Variants in IGFBP6 observed in about 807,000 individuals in gnomAD.
The protein encoded by IGFBP6 is insulin-like growth factor-binding protein 6.
Under a neutral mutation model 24.5 loss-of-function variants are expected in IGFBP6, and 24 were observed. That is an observed-to-expected ratio of 0.98 (90% confidence interval 0.71 to 1.38). The LOEUF (loss-of-function observed/expected upper bound fraction) is 1.38. IGFBP6 is among the 40% of genes most tolerant of loss of function. IGFBP6 has a pLI of 0.00. For missense variants in IGFBP6, 331 were observed against 324.8 expected (o/e 1.02, Z -0.15); for synonymous variants, 147 against 137.4 (o/e 1.07, Z -0.49).
intron 2 of IGFBP6, 73 bp downstream of exon 2, chr12:53,100,930 G>A (rs906519414): frequency 6.2e-7 from 1 of 1,606,518 alleles, no homozygotes; most frequent in African/African-American, 1.3e-5. Context: ...TGCTCCCTTG[G>A]GCTTGGAGAC....
At chr12:53,099,395 T>C (rs1320952674) in intron 1 of IGFBP6, 2 of 447,848 alleles carry the variant, frequency 4.5e-6, no homozygotes, top group Admixed American at 2.4e-5. Context: ...GTTGAATCCA[T>C]GTGCTCCTGG....
At chr12:53,098,109 G>A in intron 1 of IGFBP6, 58 bp downstream of exon 1, 1 of 1,377,014 alleles carries the variant, frequency 7.3e-7, no homozygotes, top group Non-Finnish European at 9.3e-7. Flanking sequence ...TCCAGGCAGG[G>A]TCCTGGGGAG....
intron 1 of IGFBP6, among the ~76,000 whole-genome samples, chr12:53,098,679 C>G (rs945902494): frequency 3.9e-5 from 6 of 152,028 alleles, no homozygotes; most frequent in African/African-American, 1.5e-4. Flanking sequence ...GGGAATCTGC[C>G]AAATCAGGGT....
intron 1 of IGFBP6, 140 bp downstream of exon 1, chr12:53,098,191 T>C: frequency 9.5e-7 from 1 of 1,055,186 alleles, no homozygotes; most frequent in Non-Finnish European, 1.3e-6. Context: ...GGCACATTTG[T>C]GTGGGGGAGA....
intron 1 of IGFBP6, chr12:53,099,386 T>C (rs1937791050): frequency 2.2e-6 from 1 of 450,538 alleles, no homozygotes; most frequent in Non-Finnish European, 4.5e-6. Context: ...TGGTTAAGGG[T>C]TGAATCCATG....
intron 1 of IGFBP6, 49 bp downstream of exon 1, chr12:53,098,100 C>T: frequency 2.2e-6 from 3 of 1,391,264 alleles, no homozygotes; most frequent in Non-Finnish European, 2.8e-6. Flanking sequence ...CCCGCGTCCT[C>T]CAGGCAGGGT....
Position 53,102,319 on chromosome 12 carries a change from C to G in IGFBP6, c.*152C>G. ...AGAGTGTTGGTGTTGGCTGGGGTGT[C>G]AATAAAGCTGTGCTTGGGGTCGCTG... On this transcript the variant is annotated 3_prime_UTR_variant, in exon 4 of 4. Transcript: ENST00000301464. 1.2e-6 allele frequency: 1 copy of G among 817,256 alleles called. No individual in the cohort carries two copies. The highest frequency in any genetic ancestry group is 2.8e-5 in the East Asian group (1 of 35,972). 50.6% of individuals were successfully genotyped at this position (817,256 alleles called of 1,614,324 possible).
At chr12:53,102,015 C>T (rs764325333) in intron 3 of IGFBP6, 30 bp from the exon 4 acceptor site, 2 of 1,600,080 alleles carry the variant, frequency 1.2e-6, no homozygotes, top group East Asian at 4.5e-5. Context: ...CCTCTGGCCT[C>T]ACTCCTGACC....
intron 1 of IGFBP6, among the ~76,000 whole-genome samples, chr12:53,100,326 A>C (rs529615173): frequency 6.6e-6 from 1 of 151,724 alleles, no homozygotes; most frequent in African/African-American, 2.4e-5. Context: ...CACCTCGGTA[A>C]TTTTATAAAT....
Position 53,097,688 on chromosome 12 carries a change from G to A in IGFBP6, c.-30G>A. 1 of 1,536,540 alleles carries A rather than the reference G, an allele frequency of 6.5e-7. No homozygotes were observed. The highest frequency in any genetic ancestry group is 1.2e-5 in the South Asian group (1 of 83,756). On this transcript the variant is annotated 5_prime_UTR_variant, in exon 1 of 4. Coordinates refer to ENST00000301464, the MANE Select transcript of IGFBP6 (RefSeq NM_002178.3). ...CAGCAGCTGCGCTGCGACTGCTCTG[G>A]AAGGAGAGGACGGGGCACAAACCCT...
At chr12:53,101,268 G>C in intron 3 of IGFBP6, 108 bp downstream of exon 3, 2 of 1,119,494 alleles carry the variant, frequency 1.8e-6, no homozygotes, top group Middle Eastern at 2.0e-4. Flanking sequence ...CCATCTTTAA[G>C]GATCTTCCAA....
rs773401386 is a variant in IGFBP6 at position 53,097,798 on chromosome 12, G to C, written c.81G>C (p.Ala27=). 3.0e-5 allele frequency: 47 copies of C among 1,543,474 alleles called. No homozygotes were observed. Among genetic ancestry groups the C allele is most frequent in the Non-Finnish European group, 3.8e-5 (44 of 1,145,994 alleles). ...LLAASPGGAL[A]RCPGCGQGVQ... is the part of the protein sequence containing the mutation. ...CTGCCAGCCCAGGAGGCGCCTTGGCGCGGTGCCCAGGCTGCGGGCAAGGGG... is the reference window on the plus strand; with the variant it reads ...CTGCCAGCCCAGGAGGCGCCTTGGCCCGGTGCCCAGGCTGCGGGCAAGGGG... Residue 27 remains alanine, a synonymous_variant, in exon 1 of 4, where the codon GCG becomes GCC. Coordinates refer to ENST00000301464, the MANE Select transcript of IGFBP6 (RefSeq NM_002178.3).
chr12:53,099,453 A>G lies in IGFBP6; in HGVS notation c.335-1259A>G, dbSNP rs9658608. ...TGGGTCACAGGGTACCAGAAGGGAG[A>G]GGTTCCCACTGCAGTGCCCCAGAAG... On this transcript the variant is annotated intron_variant, in intron 1 of 3. Coordinates refer to ENST00000301464, the MANE Select transcript of IGFBP6 (RefSeq NM_002178.3). 273 of 382,766 alleles carry G rather than the reference A, an allele frequency of 7.1e-4. 4 individuals carry two copies. Among genetic ancestry groups the G allele is most frequent in the South Asian group, 4.8e-3 (268 of 55,288 alleles). 23.7% of individuals were successfully genotyped at this position (382,766 alleles called of 1,614,324 possible).
chr12:53,099,153 A>C (rs1937786361), intron 1 of IGFBP6: 1 of 317,804 alleles, frequency 3.1e-6, no homozygotes, highest in Non-Finnish European at 6.8e-6. Flanking sequence ...GAGGAAGAGG[A>C]TCCCTTCAGG....
intron 3 of IGFBP6, among the ~76,000 whole-genome samples, chr12:53,101,653 A>G (rs1424333106): frequency 6.6e-6 from 1 of 152,148 alleles, no homozygotes; most frequent in Non-Finnish European, 1.5e-5. Context: ...TAATCCCAGC[A>G]CTTTGGGAGG....
At chr12:53,100,968 C>A (rs1346378089) in intron 2 of IGFBP6, 73 bp from the exon 3 acceptor site, 1 of 1,604,062 alleles carries the variant, frequency 6.2e-7, no homozygotes, top group Middle Eastern at 1.7e-4. Context: ...TGGGTGCTTG[C>A]CTGGTGGGCC....
At chr12:53,099,347 C>T (rs1038907622) in intron 1 of IGFBP6, 1 of 455,712 alleles carries the variant, frequency 2.2e-6, no homozygotes, top group African/African-American at 2.0e-5. Context: ...TCATTCCTTG[C>T]ACCTTCTTAA....
chr12:53,100,896 G>T (rs759229268), intron 2 of IGFBP6, 39 bp downstream of exon 2: 1 of 1,612,632 alleles, frequency 6.2e-7, no homozygotes, highest in Non-Finnish European at 8.5e-7. Flanking sequence ...GGGGTGGGAA[G>T]CCCTGGAGAC....
At chr12:53,099,165 G>C (rs542333726) in intron 1 of IGFBP6, 20 of 360,794 alleles carry the variant, frequency 5.5e-5, no homozygotes, top group Non-Finnish European at 1.1e-4. Flanking sequence ...CCCTTCAGGG[G>C]TTCTGATATC....
Sources: allele counts gnomAD v4.1 joint callset (sites outside exome capture counted in the v4.1 genomes callset), GRCh38; gene constraint gnomAD v4.1.1; transcripts MANE v1.5; gene names NCBI Gene and HGNC (gene_info 2026-07-23, HGNC 2026-07-21).